The following RANBP2 variants were observed in gnomAD, a reference collection of about 807,000 sequenced individuals.
RANBP2 encodes E3 SUMO-protein ligase RanBP2.
A neutral mutation model predicts 303.6 loss-of-function variants in RANBP2; 57 were observed. That is an observed-to-expected ratio of 0.19 (90% confidence interval 0.15 to 0.23). RANBP2 has a LOEUF of 0.23. Among genes scored for constraint, RANBP2 ranks in the 10% least tolerant of loss-of-function variants. The pLI, the probability that RANBP2 is intolerant of heterozygous loss-of-function variation, is 1.00. For synonymous variants in RANBP2, 1,167 were observed against 1,301.5 expected (o/e 0.90, Z 2.23); for missense variants, 3,138 against 3,780.8 (o/e 0.83, Z 4.46).
At chr2:109,501,786 TGGCG>T in the RANBP2 span, 1 of 626,598 alleles carries the variant, frequency 1.6e-6, no homozygotes, top group Non-Finnish European at 2.9e-6. Flanking sequence ...CCAAGGCACC[TGGCG>T]GGGGATACCC....
chr2:108,933,612 T>C, the RANBP2 span, among the ~76,000 whole-genome samples: 1 of 152,168 alleles, frequency 6.6e-6, no homozygotes, highest in Non-Finnish European at 1.5e-5. Flanking sequence ...AAAAACTGCC[T>C]TTTCCCACAC....
the RANBP2 span, among the ~76,000 whole-genome samples, chr2:109,284,520 G>A: frequency 5.9e-5 from 9 of 152,180 alleles, no homozygotes; most frequent in Admixed American, 2.0e-4. Context: ...GGAAGCCACT[G>A]GAGTCACATC....
the RANBP2 span, among the ~76,000 whole-genome samples, chr2:109,423,319 C>T: frequency 7.2e-5 from 11 of 152,270 alleles, no homozygotes; most frequent in East Asian, 1.3e-3. Context: ...TCATGTGAGA[C>T]GTGCTCTCTG....
the RANBP2 span, among the ~76,000 whole-genome samples, chr2:109,399,319 T>C: frequency 6.6e-6 from 1 of 152,208 alleles, no homozygotes; most frequent in Non-Finnish European, 1.5e-5. Flanking sequence ...ATCTCTGCAA[T>C]GTTTGCTAAT....
At chr2:108,977,222 T>C in the RANBP2 span, among the ~76,000 whole-genome samples, 1 of 152,084 alleles carries the variant, frequency 6.6e-6, no homozygotes, top group East Asian at 1.9e-4. Flanking sequence ...AGCACTGCCT[T>C]TGCCGCCGGG....
chr2:109,212,237 C>T, the RANBP2 span, among the ~76,000 whole-genome samples: 1 of 152,172 alleles, frequency 6.6e-6, no homozygotes, highest in Non-Finnish European at 1.5e-5. Context: ...CTTGACTCCT[C>T]ACTTCCCTCC....
chr2:108,737,136 A>C (rs1346766624), intron 6 of RANBP2, among the ~76,000 whole-genome samples: 3 of 152,166 alleles, frequency 2.0e-5, no homozygotes, highest in Non-Finnish European at 2.9e-5. Flanking sequence ...GAAAAAGTAC[A>C]TAAAAGTACC....
chr2:109,204,977 G>A, the RANBP2 span, among the ~76,000 whole-genome samples: 2 of 152,188 alleles, frequency 1.3e-5, no homozygotes, highest in African/African-American at 4.8e-5. Flanking sequence ...GGAGGCTGAG[G>A]CAGGAGGATC....
the RANBP2 span, among the ~76,000 whole-genome samples, chr2:109,431,906 A>G: frequency 6.6e-6 from 1 of 152,136 alleles, no homozygotes; most frequent in Non-Finnish European, 1.5e-5. Context: ...CCATAGCACA[A>G]TTACTGCAAG....
chr2:109,702,032 G>C, the RANBP2 span, among the ~76,000 whole-genome samples: 1 of 152,342 alleles, frequency 6.6e-6, no homozygotes, highest in South Asian at 2.1e-4. Flanking sequence ...CCCCAGAAGA[G>C]TGGTCTTCTG....
chr2:108,866,241 TG>T, the RANBP2 span, among the ~76,000 whole-genome samples: 6 of 152,356 alleles, frequency 3.9e-5, no homozygotes, highest in Non-Finnish European at 7.3e-5. Flanking sequence ...TCATCCCTTC[TG>T]CCTCCCTTTT....
At chr2:109,447,319 CAGA>C in the RANBP2 span, among the ~76,000 whole-genome samples, 1 of 152,074 alleles carries the variant, frequency 6.6e-6, no homozygotes, top group Non-Finnish European at 1.5e-5. Context: ...ACGGCTGTGT[CAGA>C]AGAAGGCCTG....
the RANBP2 span, among the ~76,000 whole-genome samples, chr2:109,015,250 C>G: frequency 6.7e-6 from 1 of 149,718 alleles, no homozygotes. Flanking sequence ...ACTGGGTCCA[C>G]TAACAAGTGG....
At chr2:108,906,781 C>T in the RANBP2 span, among the ~76,000 whole-genome samples, 16 of 152,228 alleles carry the variant, frequency 1.1e-4, no homozygotes, top group African/African-American at 3.9e-4. Context: ...TGCTCAGTGG[C>T]CCTGGCTGAA....
the RANBP2 span, among the ~76,000 whole-genome samples, chr2:109,286,745 T>A: frequency 6.6e-6 from 1 of 152,116 alleles, no homozygotes. Flanking sequence ...GAGTGTTGGG[T>A]TTCCCTACAG....
At chr2:109,129,201 C>T in the RANBP2 span, 2 of 500,944 alleles carry the variant, frequency 4.0e-6, no homozygotes, top group Non-Finnish European at 7.4e-6. Flanking sequence ...CCGCCGCTTG[C>T]AGCACAGAAC....
chr2:108,753,702 A>C, intron 14 of RANBP2, 123 bp from the exon 15 acceptor site: 7 of 1,581,018 alleles, frequency 4.4e-6, no homozygotes, highest in Non-Finnish European at 6.0e-6. Context: ...CCCAGGCTCA[A>C]GCGATTCTTG....
At chr2:109,444,130 AAC>A in the RANBP2 span, among the ~76,000 whole-genome samples, 34 of 152,332 alleles carry the variant, frequency 2.2e-4, no homozygotes, top group African/African-American at 7.7e-4. Flanking sequence ...TTGAAAACTA[AAC>A]AGTTTACTTC....
the RANBP2 span, among the ~76,000 whole-genome samples, chr2:108,906,033 C>T: frequency 1.4e-5 from 2 of 146,294 alleles, no homozygotes; most frequent in African/African-American, 5.6e-5. Flanking sequence ...GCTCACCGAC[C>T]CTGCGTTTCC....
Sources: allele counts gnomAD v4.1 joint callset (sites outside exome capture counted in the v4.1 genomes callset), GRCh38; gene constraint gnomAD v4.1.1; transcripts MANE v1.5; gene names NCBI Gene and HGNC (gene_info 2026-07-23, HGNC 2026-07-21).